The following KLHL3 variants were observed in gnomAD, a reference collection of about 807,000 sequenced individuals.
KLHL3 encodes the protein kelch like family member 3.
KLHL3 carries 19 observed loss-of-function variants against 70.5 expected under a neutral mutation model. The observed-to-expected ratio is 0.27, with a 90% CI of 0.19 to 0.40. The LOEUF is 0.40. KLHL3 is among the 10% of genes least tolerant of loss of function. The pLI is 1.00. For synonymous variants in KLHL3, 258 were observed against 290.3 expected (o/e 0.89, Z 1.13); for missense variants, 512 against 771.1 (o/e 0.66, Z 3.98).
intron 3 of KLHL3, among the ~76,000 whole-genome samples, chr5:137,702,940 A>C (rs978611252): frequency 6.6e-6 from 1 of 152,178 alleles, no homozygotes. Context: ...TTTTAGGTGG[A>C]AGACTGCCAA....
intron 2 of KLHL3, among the ~76,000 whole-genome samples, chr5:137,719,634 A>C (rs1752959388): frequency 6.6e-6 from 1 of 152,220 alleles, no homozygotes; most frequent in Admixed American, 6.5e-5. Flanking sequence ...TAGCCTGTGT[A>C]CCCCTCACTA....
chr5:137,704,212 C>T lies in KLHL3; in HGVS notation c.241+5538G>A, dbSNP rs529413314. 6.6e-4 allele frequency among the ~76,000 whole-genome samples: 100 copies of T among 152,054 alleles called. 2 individuals are homozygous for T. The East Asian group carries it at 0.018, about 27-fold the overall frequency. On this transcript the variant is annotated intron_variant, in intron 3 of 14. Transcript: ENST00000309755. Reference sequence around the variant, plus strand: ...CATCCTGGCTAACAAGGTGAAACCCCGTCTCTACTAAAAATACAAAAAATT... The same window carrying T: ...CATCCTGGCTAACAAGGTGAAACCCTGTCTCTACTAAAAATACAAAAAATT...
Position 137,660,714 on chromosome 5 carries a change from A to T in KLHL3, c.753+1201T>A, listed in dbSNP as rs185452581. The T allele has an allele frequency of 3.3e-5, 5 of 152,342 alleles. No individual in the cohort carries two copies. In the East Asian group the frequency reaches 7.7e-4, roughly 24 times the overall value. The allele number at this position is 152,342 out of a possible 1,614,324, so 9.4% of individuals were successfully genotyped here. On this transcript the variant is annotated intron_variant, in intron 7 of 14. Coordinates refer to ENST00000309755, the MANE Select transcript of KLHL3 (RefSeq NM_017415.3). The stretch of plus-strand genomic sequence containing the variant: ...GGATACTGTGTCACCTGCTACTAAG[A>T]ATCACAGCAGTGGTCACAAAGACTA...
chr5:137,681,715 A>G (rs539025868), intron 5 of KLHL3, among the ~76,000 whole-genome samples: 6 of 152,100 alleles, frequency 3.9e-5, no homozygotes, highest in Non-Finnish European at 8.8e-5. Context: ...TCCAATAATA[A>G]CTAACTTTTC....
chr5:137,672,765 T>C (rs1751792402), intron 6 of KLHL3: 1 of 152,184 alleles, frequency 6.6e-6, no homozygotes. Context: ...TCATATCTCT[T>C]TCCTTAGAGT....
intron 1 of KLHL3, among the ~76,000 whole-genome samples, chr5:137,724,874 G>A (rs1753062454): frequency 6.6e-6 from 1 of 152,168 alleles, no homozygotes; most frequent in Admixed American, 6.5e-5. Flanking sequence ...ATAATAAGTG[G>A]TAGAGATGGG....
chr5:137,625,251 G>C (rs1481834021), intron 14 of KLHL3, among the ~76,000 whole-genome samples: 1 of 152,260 alleles, frequency 6.6e-6, no homozygotes, highest in African/African-American at 2.4e-5. Flanking sequence ...CCTCCAGGAA[G>C]GGTTCCCTGG....
intron 8 of KLHL3, among the ~76,000 whole-genome samples, chr5:137,652,684 T>C (rs1751232865): frequency 6.6e-6 from 1 of 152,204 alleles, no homozygotes; most frequent in Non-Finnish European, 1.5e-5. Flanking sequence ...TGGGAAGATG[T>C]TGACCAAAGG....
chr5:137,628,256 C>A, intron 13 of KLHL3, 41 bp downstream of exon 13: 2 of 1,610,512 alleles, frequency 1.2e-6, no homozygotes, highest in Non-Finnish European at 1.7e-6. Context: ...GGAGAAAAGG[C>A]ACACAACCCC....
chr5:137,699,367 G>C (rs1241109964), intron 3 of KLHL3, among the ~76,000 whole-genome samples: 1 of 152,150 alleles, frequency 6.6e-6, no homozygotes, highest in East Asian at 1.9e-4. Context: ...AGAGGTAGAT[G>C]GGGCCAGGGC....
At position 137,639,123 on chromosome 5, in the gene KLHL3, T is replaced by A. The variant is rs1750844697; in HGVS notation, c.1049A>T (p.Tyr350Phe). The A allele has an allele frequency of 6.2e-7, 1 of 1,613,902 alleles. No individual in the cohort carries two copies. Among genetic ancestry groups the A allele is most frequent in the East Asian group, 2.2e-5 (1 of 44,864 alleles). ...AGVVFMAGHV[Y>F]AVGGFNGSLR... ...TGAGCCATTAAACCCTCCCACGGCA[T>A]ACACGTGGCCAGCCATGAACACCAC... Residue 350 changes from tyrosine to phenylalanine, a missense_variant, in exon 10 of 15, where the codon TAT becomes TTT. By Grantham distance (22) the Tyr-to-Phe change is conservative. Coordinates refer to ENST00000309755, the MANE Select transcript of KLHL3 (RefSeq NM_017415.3). The surrounding 1 kb of genome is among the most constrained non-coding windows in gnomAD (Gnocchi z 5.0).
At chr5:137,704,129 T>C (rs1349475215) in intron 3 of KLHL3, among the ~76,000 whole-genome samples, 1 of 152,198 alleles carries the variant, frequency 6.6e-6, no homozygotes, top group Admixed American at 6.5e-5. Flanking sequence ...ATACAGCCTG[T>C]AATCCCAGCA....
At chr5:137,683,786 A>T (rs1160418387) in intron 5 of KLHL3, among the ~76,000 whole-genome samples, 3 of 151,040 alleles carry the variant, frequency 2.0e-5, no homozygotes, top group Non-Finnish European at 4.4e-5. Flanking sequence ...TCTCTCTCTC[A>T]CACACACACA....
chr5:137,634,394 C>T (rs756012020), intron 11 of KLHL3, among the ~76,000 whole-genome samples: 7 of 152,204 alleles, frequency 4.6e-5, no homozygotes, highest in Non-Finnish European at 8.8e-5. Context: ...AAACACTTAA[C>T]GTCTTTCTAA....
At chr5:137,640,738 C>G (rs912855933) in intron 8 of KLHL3, among the ~76,000 whole-genome samples, 5 of 151,992 alleles carry the variant, frequency 3.3e-5, no homozygotes, top group South Asian at 2.1e-4. Context: ...CAGCCACCCC[C>G]CCCAACTCCT....
At chr5:137,661,271 A>G (rs549675177) in intron 7 of KLHL3, 4 of 152,222 alleles carry the variant, frequency 2.6e-5, no homozygotes, top group African/African-American at 7.2e-5. Flanking sequence ...CAAGGCCTAC[A>G]TGTGTAAAAA....
intron 8 of KLHL3, among the ~76,000 whole-genome samples, chr5:137,647,904 A>G (rs1751097447): frequency 6.6e-6 from 1 of 152,212 alleles, no homozygotes; most frequent in Non-Finnish European, 1.5e-5. Flanking sequence ...GGCTATGAGC[A>G]AGACATTGAA....
intron 5 of KLHL3, among the ~76,000 whole-genome samples, chr5:137,684,043 G>A (rs751537561): frequency 3.9e-5 from 6 of 152,212 alleles, no homozygotes; most frequent in Non-Finnish European, 7.3e-5. Flanking sequence ...AGGCTAGGCT[G>A]GTCTGGGTGG....
intron 6 of KLHL3, among the ~76,000 whole-genome samples, chr5:137,664,429 A>C (rs1751562892): frequency 6.6e-6 from 1 of 152,198 alleles, no homozygotes; most frequent in Non-Finnish European, 1.5e-5. Flanking sequence ...ATATCCAAAA[A>C]AAAATGCCTG....
Sources: allele counts gnomAD v4.1 joint callset (sites outside exome capture counted in the v4.1 genomes callset), GRCh38; gene constraint gnomAD v4.1.1; non-coding constraint Gnocchi (gnomAD v3.1); transcripts MANE v1.5; gene names NCBI Gene and HGNC (gene_info 2026-07-23, HGNC 2026-07-21).